Variants in PDE1C observed in about 807,000 individuals in gnomAD.
The protein encoded by PDE1C is dual specificity calcium/calmodulin-dependent 3',5'-cyclic nucleotide phosphodiesterase 1C.
Under a neutral mutation model 93.1 loss-of-function variants are expected in PDE1C, and 62 were observed. That is an observed-to-expected ratio of 0.67 (90% CI 0.54 to 0.82). PDE1C has a LOEUF of 0.82. Ranked by LOEUF, PDE1C falls within the 40% of genes least tolerant of loss-of-function variation. The pLI is 0.00. For synonymous variants in PDE1C, 325 were observed against 310.1 expected (o/e 1.05, Z -0.50); for missense variants, 742 against 884.6 (o/e 0.84, Z 2.04).
At chr7:32,271,876 T>C (rs1463502866) in intron 1 of PDE1C, among the ~76,000 whole-genome samples, 1 of 152,140 alleles carries the variant, frequency 6.6e-6, no homozygotes, top group African/African-American at 2.4e-5. Context: ...TACAGGAAGA[T>C]GCCATGAAGG....
At chr7:31,794,059 GACA>G (rs1784945098) in intron 16 of PDE1C, among the ~76,000 whole-genome samples, 1 of 146,700 alleles carries the variant, frequency 6.8e-6, no homozygotes, top group African/African-American at 2.6e-5. Context: ...CAGACAGACA[GACA>G]GACAGACAGA....
chr7:32,419,652 C>A (rs950645193), intron 1 of PDE1C, among the ~76,000 whole-genome samples: 7 of 152,164 alleles, frequency 4.6e-5, no homozygotes, highest in African/African-American at 1.7e-4. Flanking sequence ...TCGGCTCCCT[C>A]CTTCTGGGAA....
chr7:32,164,575 G>T (rs989899719), intron 3 of PDE1C, among the ~76,000 whole-genome samples: 1 of 152,174 alleles, frequency 6.6e-6, no homozygotes, highest in Non-Finnish European at 1.5e-5. Context: ...CAAGCTGCTT[G>T]ATCTCTCTGA....
the PDE1C span, among the ~76,000 whole-genome samples, chr7:31,721,307 T>A: frequency 6.6e-6 from 1 of 152,222 alleles, no homozygotes; most frequent in Non-Finnish European, 1.5e-5. Flanking sequence ...GGAGCAGCAC[T>A]GATAATAGAA....
chr7:31,619,813 C>T, the PDE1C span, among the ~76,000 whole-genome samples: 1 of 152,104 alleles, frequency 6.6e-6, no homozygotes, highest in Non-Finnish European at 1.5e-5. Context: ...GCATTGCCTC[C>T]CTCGGGAAGC....
chr7:32,098,870 C>A (rs929777299), intron 3 of PDE1C, among the ~76,000 whole-genome samples: 2 of 152,188 alleles, frequency 1.3e-5, no homozygotes, highest in Non-Finnish European at 2.9e-5. Flanking sequence ...AGAATGGTGG[C>A]AGCCAGGGGC....
At chr7:31,691,073 G>A in the PDE1C span, among the ~76,000 whole-genome samples, 1 of 152,176 alleles carries the variant, frequency 6.6e-6, no homozygotes, top group Non-Finnish European at 1.5e-5. Context: ...GTCGCAGGGA[G>A]TTGGCAATCT....
intron 2 of PDE1C, among the ~76,000 whole-genome samples, chr7:31,985,320 A>G (rs548220300): frequency 1.2e-4 from 18 of 152,184 alleles, no homozygotes; most frequent in Non-Finnish European, 2.1e-4. Flanking sequence ...CTGTTAAATT[A>G]TATTTATGAT....
chr7:32,315,129 T>C (rs1324041090), intron 1 of PDE1C, among the ~76,000 whole-genome samples: 2 of 150,644 alleles, frequency 1.3e-5, no homozygotes, highest in African/African-American at 4.9e-5. Flanking sequence ...CAAAGTAGGA[T>C]GCAATAGAGT....
chr7:31,621,088 C>T, the PDE1C span, among the ~76,000 whole-genome samples: 2 of 151,840 alleles, frequency 1.3e-5, no homozygotes, highest in Admixed American at 6.6e-5. Context: ...GCAAAGCCTC[C>T]AAGAAATATG....
At chr7:31,959,529 G>C (rs1448038376) in intron 2 of PDE1C, among the ~76,000 whole-genome samples, 2 of 151,992 alleles carry the variant, frequency 1.3e-5, no homozygotes, top group Non-Finnish European at 2.9e-5. Flanking sequence ...TTGGTCAATT[G>C]GATGCTAACA....
chr7:31,705,136 CTACTTTG>C, the PDE1C span, among the ~76,000 whole-genome samples: 3 of 152,186 alleles, frequency 2.0e-5, no homozygotes, highest in African/African-American at 7.2e-5. Context: ...ACAGCCCAGC[CTACTTTG>C]AGAAGGGCTG....
the PDE1C span, among the ~76,000 whole-genome samples, chr7:31,617,012 C>CT: frequency 6.6e-5 from 10 of 152,174 alleles, no homozygotes; most frequent in African/African-American, 2.2e-4. Flanking sequence ...GTGCATTCTT[C>CT]TTTTCTTTAT....
chr7:31,642,411 G>C, the PDE1C span, among the ~76,000 whole-genome samples: 1 of 152,172 alleles, frequency 6.6e-6, no homozygotes, highest in African/African-American at 2.4e-5. Flanking sequence ...GAAGGCACAA[G>C]CCACCTGCAC....
chr7:32,254,849 G>T (rs1324018914), intron 1 of PDE1C, among the ~76,000 whole-genome samples: 1 of 152,144 alleles, frequency 6.6e-6, no homozygotes, highest in African/African-American at 2.4e-5. Flanking sequence ...TCAACTCTAT[G>T]CTTCCAACAA....
chr7:32,001,025 G>C (rs1785392891), intron 2 of PDE1C, among the ~76,000 whole-genome samples: 1 of 150,700 alleles, frequency 6.6e-6, no homozygotes, highest in African/African-American at 2.5e-5. Flanking sequence ...TGTATGTATG[G>C]GGAGGGTGGA....
chr7:31,882,375 C>T (rs1235689522), intron 2 of PDE1C, among the ~76,000 whole-genome samples: 1 of 152,098 alleles, frequency 6.6e-6, no homozygotes, highest in Non-Finnish European at 1.5e-5. Flanking sequence ...GCCAGTCACT[C>T]ACACAGAAGG....
At chr7:32,017,597 T>C (rs1788078622) in intron 2 of PDE1C, among the ~76,000 whole-genome samples, 1 of 152,190 alleles carries the variant, frequency 6.6e-6, no homozygotes, top group Non-Finnish European at 1.5e-5. Context: ...TTGCAATCCC[T>C]ATATTTAATG....
intron 16 of PDE1C, among the ~76,000 whole-genome samples, chr7:31,777,443 C>T (rs34207094): frequency 0.06 from 9,136 of 152,172 alleles, 424 homozygotes; most frequent in East Asian, 0.26. Flanking sequence ...ATTCCCCTGC[C>T]TCAGCCTCCT....
Sources: allele counts gnomAD v4.1 joint callset (sites outside exome capture counted in the v4.1 genomes callset), GRCh38; gene constraint gnomAD v4.1.1; transcripts MANE v1.5; gene names NCBI Gene and HGNC (gene_info 2026-07-23, HGNC 2026-07-21).